Variants in ECPAS observed in about 807,000 individuals in gnomAD.
ECPAS encodes the protein Ecm29 proteasome adaptor and scaffold.
In ECPAS, 70 loss-of-function variants were observed where a neutral mutation model predicts 255.1. That is an observed-to-expected ratio of 0.27 (90% confidence interval 0.23 to 0.33). The LOEUF is 0.33. Among genes scored for constraint, ECPAS ranks in the 10% least tolerant of loss-of-function variants. ECPAS has a pLI of 1.00. For synonymous variants in ECPAS, 784 were observed against 775.0 expected (o/e 1.01, Z -0.19); for missense variants, 1,817 against 2,206.4 (o/e 0.82, Z 3.54).
chr9:111,394,112 A>G (rs1349828481), intron 26 of ECPAS, 48 bp downstream of exon 26: 12 of 1,528,000 alleles, frequency 7.9e-6, no homozygotes, highest in African/African-American at 1.4e-5. Flanking sequence ...CTTGCTACTT[A>G]TAATACTGTG....
intron 32 of ECPAS, 57 bp downstream of exon 32, chr9:111,386,320 T>C (rs1374180156): frequency 4.8e-5 from 54 of 1,131,034 alleles, no homozygotes; most frequent in Non-Finnish European, 6.4e-5. Flanking sequence ...CCTAGAAATT[T>C]TGAAGGGAAA....
chr9:111,445,076 A>C (rs1047647972), intron 3 of ECPAS, among the ~76,000 whole-genome samples: 2 of 146,818 alleles, frequency 1.4e-5, no homozygotes, highest in Non-Finnish European at 3.0e-5. Context: ...GCTCACCGCA[A>C]CTTCTGCCTT....
At chr9:111,429,182 T>C (rs1225181728) in intron 9 of ECPAS, among the ~76,000 whole-genome samples, 3 of 152,230 alleles carry the variant, frequency 2.0e-5, no homozygotes, top group Non-Finnish European at 4.4e-5. Context: ...GTAGCTATAA[T>C]TTGCCTGTCT....
At chr9:111,374,362 G>A (rs941168082) in intron 38 of ECPAS, among the ~76,000 whole-genome samples, 2 of 152,104 alleles carry the variant, frequency 1.3e-5, no homozygotes, top group African/African-American at 4.8e-5. Context: ...ATCTTCAGGT[G>A]TGCCTGAAGA....
intron 21 of ECPAS, among the ~76,000 whole-genome samples, 194 bp from the exon 22 acceptor site, chr9:111,411,336 G>A (rs559371653): frequency 1.3e-5 from 2 of 152,218 alleles, no homozygotes; most frequent in South Asian, 4.2e-4. Flanking sequence ...AGTTTCTAAC[G>A]GAATTTTGAG....
chr9:111,422,161 C>T lies in ECPAS; in HGVS notation c.1305G>A (p.Val435=), dbSNP rs1488350409. ...PHLFTKDIAL[V]QQLFEALCKE... Reference sequence around the variant, plus strand: ...TGCAAAGGGCTTCAAAAAGCTGCTGCACAAGCGCTATATCCTTAGTGAATA... The same window carrying T: ...TGCAAAGGGCTTCAAAAAGCTGCTGTACAAGCGCTATATCCTTAGTGAATA... Residue 435 remains valine (V), a synonymous_variant, in exon 14 of 50, where the codon GTG becomes GTA. Transcript: ENST00000684092. The T allele has an allele frequency of 1.4e-5, 23 of 1,613,770 alleles. No homozygotes were observed. In the East Asian group the frequency reaches 5.1e-4, roughly 36 times the overall value.
chr9:111,470,362 G>A (rs1401568365), intron 2 of ECPAS, among the ~76,000 whole-genome samples: 2 of 151,068 alleles, frequency 1.3e-5, no homozygotes, highest in African/African-American at 2.4e-5. Context: ...CCAGGCTGCA[G>A]TGCAGTGGCG....
chr9:111,361,638 A>T lies in ECPAS; in HGVS notation c.*392T>A, dbSNP rs1437857851. The T allele has an allele frequency of 6.5e-6, 1 of 154,554 alleles. No individual in the cohort carries two copies. The highest frequency in any genetic ancestry group is 1.9e-4 in the East Asian group (1 of 5,282). The allele number at this position is 154,554 out of a possible 1,614,324, so 9.6% of individuals were successfully genotyped here. ...TCCTATTTCTTCAGGTGTAAGAGGG[A>T]GGTTAAAATAAGTTATTTATAGGGC... On this transcript the variant is annotated 3_prime_UTR_variant, in exon 50 of 50. Transcript: ENST00000684092.
At chr9:111,448,391 GA>G (rs930873243) in intron 3 of ECPAS, among the ~76,000 whole-genome samples, 2 of 151,404 alleles carry the variant, frequency 1.3e-5, no homozygotes, top group Non-Finnish European at 2.9e-5. Context: ...AGGTTTTGGA[GA>G]AAAAAACCTT....
chr9:111,413,843 G>T, intron 20 of ECPAS, 52 bp downstream of exon 20: 1 of 1,141,970 alleles, frequency 8.8e-7, no homozygotes, highest in Non-Finnish European at 1.2e-6. Flanking sequence ...AAATCATGAA[G>T]TTAAGGTCTG....
chr9:111,366,312 T>C lies in ECPAS; in HGVS notation c.5235A>G (p.Glu1745=). Residue 1745 remains glutamate, a synonymous_variant, in exon 48 of 50, where the codon GAA becomes GAG. Transcript: ENST00000684092. ...AAGCCTCAGGATCGGCATGTTCTTC[T>C]TCCAAAAGCATTAACCTATACAAAT... ...NAFFQGLMLL[E]EEHADPEALA... The C allele has an allele frequency of 6.4e-7, 1 of 1,574,208 alleles. No individual in the cohort carries two copies. The highest frequency in any genetic ancestry group is 8.6e-7 in the Non-Finnish European group (1 of 1,158,254).
At chr9:111,383,693 G>T (rs888853949) in intron 34 of ECPAS, among the ~76,000 whole-genome samples, 2 of 152,144 alleles carry the variant, frequency 1.3e-5, no homozygotes, top group Non-Finnish European at 2.9e-5. Flanking sequence ...GGCCGAGGCA[G>T]GCGGATTGCT....
At chr9:111,427,848 T>C (rs2098224042) in intron 10 of ECPAS, among the ~76,000 whole-genome samples, 194 bp downstream of exon 10, 1 of 152,220 alleles carries the variant, frequency 6.6e-6, no homozygotes, top group Non-Finnish European at 1.5e-5. Flanking sequence ...TTAGAGATGC[T>C]CAACCTATAT....
intron 23 of ECPAS, among the ~76,000 whole-genome samples, chr9:111,409,449 A>G (rs891933188): frequency 5.3e-5 from 8 of 152,068 alleles, no homozygotes; most frequent in African/African-American, 1.7e-4. Context: ...AATCTCAGCT[A>G]CTCAGGAGGC....
At chr9:111,411,260 T>TA (rs1224379983) in intron 21 of ECPAS, 118 bp from the exon 22 acceptor site, 2 of 1,052,216 alleles carry the variant, frequency 1.9e-6, no homozygotes, top group Non-Finnish European at 2.8e-6. Context: ...GGCTAAAGAA[T>TA]AAAGTGAACA....
rs2098112523 is a variant in ECPAS at position 111,360,726 on chromosome 9, C to A, written c.*1304G>T. ...AAAAAGTTATTTTTATTATGACTTG[C>A]AGTCAAAAAAGTTTGAAATACATTG... On this transcript the variant is annotated 3_prime_UTR_variant, in exon 50 of 50. Transcript: ENST00000684092. 1 of 152,148 alleles carries A rather than the reference C, an allele frequency of 6.6e-6. No individual in the cohort carries two copies. The highest frequency in any genetic ancestry group is 1.5e-5 in the Non-Finnish European group (1 of 68,020). The allele number at this position is 152,148 out of a possible 1,614,324, so 9.4% of individuals were successfully genotyped here.
chr9:111,381,677 A>C (rs2098140660), intron 35 of ECPAS, among the ~76,000 whole-genome samples: 1 of 152,178 alleles, frequency 6.6e-6, no homozygotes, highest in African/African-American at 2.4e-5. Context: ...CCTTAACTAA[A>C]CTTCACTATG....
intron 26 of ECPAS, 100 bp downstream of exon 26, chr9:111,394,060 A>C: frequency 8.7e-7 from 1 of 1,146,128 alleles, no homozygotes; most frequent in Admixed American, 3.2e-5. Context: ...GTATTTCAAA[A>C]TACCTACTAT....
intron 24 of ECPAS, among the ~76,000 whole-genome samples, chr9:111,399,121 C>T (rs2098171778): frequency 6.6e-6 from 1 of 152,116 alleles, no homozygotes; most frequent in African/African-American, 2.4e-5. Flanking sequence ...TTAAGCATTG[C>T]ATGTCTGTAT....
Sources: allele counts gnomAD v4.1 joint callset (sites outside exome capture counted in the v4.1 genomes callset), GRCh38; gene constraint gnomAD v4.1.1; transcripts MANE v1.5; gene names NCBI Gene and HGNC (gene_info 2026-07-23, HGNC 2026-07-21).